Variants in VWA8 observed in about 807,000 individuals in gnomAD.
VWA8 encodes von Willebrand factor A domain containing 8.
A neutral mutation model predicts 241.5 loss-of-function variants in VWA8; 221 were observed. That is an observed-to-expected ratio of 0.91 (90% CI 0.82 to 1.02). The LOEUF (loss-of-function observed/expected upper bound fraction) is 1.02, where lower values mean the gene tolerates loss of function less well. Ranked by LOEUF, VWA8 falls within the 50% of genes least tolerant of loss-of-function variation. The pLI, the probability that VWA8 is intolerant of heterozygous loss-of-function variation, is 0.00. For missense variants in VWA8, 2,322 were observed against 2,328.7 expected, an observed-to-expected ratio of 1.00 and a Z score of 0.06; for synonymous variants, 852 against 827.1, an observed-to-expected ratio of 1.03 and a Z score of -0.52.
chr13:41,626,272 CACAA>C (rs1489650200), intron 37 of VWA8, among the ~76,000 whole-genome samples: 1 of 151,904 alleles, frequency 6.6e-6, no homozygotes, highest in African/African-American at 2.4e-5. Context: ...TCAGAGATGA[CACAA>C]ACAAATGGAA....
chr13:41,907,650 G>A lies in VWA8; in HGVS notation c.419C>T (p.Thr140Ile). The change falls in exon 4 of 45, where the codon ACC becomes ATC. Residue 140 changes from threonine (T) to isoleucine (I), a missense_variant. Coordinates refer to ENST00000379310, the MANE Select transcript of VWA8 (RefSeq NM_015058.2). Reference protein sequence around the residue: ...EVEYIALSRDTTETDLKQRRE... With the variant: ...EVEYIALSRDITETDLKQRRE... ...TCGCTGTTTGAGATCAGTTTCAGTG[G>A]TGTCCCTTGACAGGGCAATGTATTC... 1 of 1,614,128 alleles carries A rather than the reference G, an allele frequency of 6.2e-7. No individual in the cohort carries two copies. The highest frequency in any genetic ancestry group is 2.2e-5 in the East Asian group (1 of 44,872).
intron 21 of VWA8, among the ~76,000 whole-genome samples, chr13:41,757,239 T>C (rs2045700769): frequency 6.6e-6 from 1 of 151,762 alleles, no homozygotes; most frequent in African/African-American, 2.4e-5. Flanking sequence ...ATTATGTTTC[T>C]TATTTCTTCC....
chr13:41,596,823 AC>A, intron 40 of VWA8, among the ~76,000 whole-genome samples: 1 of 151,286 alleles, frequency 6.6e-6, no homozygotes, highest in Non-Finnish European at 1.5e-5. Flanking sequence ...ACACACACAC[AC>A]ACACACACAT....
At chr13:41,800,621 T>C (rs1310451887) in intron 17 of VWA8, among the ~76,000 whole-genome samples, 6 of 93,188 alleles carry the variant, frequency 6.4e-5, no homozygotes, top group Non-Finnish European at 1.2e-4. Context: ...ACACCGTCTC[T>C]ACTAAAAATA....
At chr13:41,778,100 G>A in intron 19 of VWA8, 44 bp from the exon 20 acceptor site, 1 of 1,426,240 alleles carries the variant, frequency 7.0e-7, no homozygotes, top group African/African-American at 1.4e-5. Context: ...GTACAATCAA[G>A]GTTAAATAAG....
chr13:41,903,159 T>C (rs574650521), intron 4 of VWA8, among the ~76,000 whole-genome samples: 7 of 152,316 alleles, frequency 4.6e-5, no homozygotes, highest in Admixed American at 2.6e-4. Context: ...TTCATCTATC[T>C]AGAATTCAAA....
In VWA8 at chr13:41,843,770, C is replaced by T. The variant is rs545042824; in HGVS notation, c.1426-10239G>A. ...TGGATAAATTCCTGGAAACACACAACCTCCCAAGACTGAATTGGGAAGAAA... is the reference window on the plus strand; with the variant it reads ...TGGATAAATTCCTGGAAACACACAATCTCCCAAGACTGAATTGGGAAGAAA... On this transcript the variant is annotated intron_variant, in intron 12 of 44. Transcript: ENST00000379310. Among the ~76,000 whole-genome samples, 4 of 152,122 alleles carry T rather than the reference C, an allele frequency of 2.6e-5. No homozygotes were observed. The East Asian group carries it at 7.7e-4, about 29-fold the overall frequency.
chr13:41,773,360 A>C (rs537991262), intron 20 of VWA8, among the ~76,000 whole-genome samples: 1 of 152,226 alleles, frequency 6.6e-6, no homozygotes, highest in Non-Finnish European at 1.5e-5. Flanking sequence ...GAAAAGCATG[A>C]AATACCATTG....
In VWA8 at chr13:41,865,775, A is replaced by G. The variant is rs755317781; in HGVS notation, c.1386T>C (p.Asp462=). 111 of 1,614,102 alleles carry G rather than the reference A, an allele frequency of 6.9e-5. No homozygotes were observed. Among genetic ancestry groups the G allele is most frequent in the Non-Finnish European group, 8.8e-5 (104 of 1,180,058 alleles). Residue 462 remains aspartate (D), a synonymous_variant, in exon 12 of 45, where the codon GAT becomes GAC. Transcript: ENST00000379310. ...GKTVIAKNFA[D]TLGYNIEPIM... The stretch of plus-strand genomic sequence containing the variant: ...TAGGTTCTATGTTGTATCCTAAGGT[A>G]TCGGCAAAGTTCTTAGCGATCACTG...
intron 37 of VWA8, among the ~76,000 whole-genome samples, chr13:41,637,904 C>T (rs1021773238): frequency 6.6e-6 from 1 of 152,184 alleles, no homozygotes; most frequent in Non-Finnish European, 1.5e-5. Context: ...CAGTATCATG[C>T]ATGGCAGCAG....
At chr13:41,906,080 A>AT (rs1215461991) in intron 4 of VWA8, among the ~76,000 whole-genome samples, 1 of 152,000 alleles carries the variant, frequency 6.6e-6, no homozygotes, top group Non-Finnish European at 1.5e-5. Context: ...ATGATGCTAA[A>AT]TTTTTTTGAA....
chr13:41,934,335 A>AT (rs1877255489), intron 2 of VWA8, among the ~76,000 whole-genome samples: 1 of 152,058 alleles, frequency 6.6e-6, no homozygotes, highest in African/African-American at 2.4e-5. Flanking sequence ...TGGCAAGAAT[A>AT]TGGAGGAACT....
intron 2 of VWA8, among the ~76,000 whole-genome samples, chr13:41,915,614 G>A (rs186744172): frequency 6.6e-6 from 1 of 152,292 alleles, no homozygotes; most frequent in East Asian, 1.9e-4. Context: ...TCACAATTAA[G>A]CCCAGAGAAA....
chr13:41,739,152 A>G (rs2045547531), intron 21 of VWA8, among the ~76,000 whole-genome samples: 1 of 152,198 alleles, frequency 6.6e-6, no homozygotes, highest in Middle Eastern at 3.2e-3. Context: ...TTTCTTGAAG[A>G]CTTCAAATTC....
At chr13:41,656,510 T>C (rs1335421159) in intron 37 of VWA8, among the ~76,000 whole-genome samples, 1 of 152,208 alleles carries the variant, frequency 6.6e-6, no homozygotes, top group Non-Finnish European at 1.5e-5. Context: ...CGAATTTCAT[T>C]CAGAACCCCA....
intron 42 of VWA8, among the ~76,000 whole-genome samples, chr13:41,585,312 C>T (rs1323221589): frequency 6.6e-6 from 1 of 152,206 alleles, no homozygotes; most frequent in Non-Finnish European, 1.5e-5. Flanking sequence ...CGGAATGGCA[C>T]CCTGAACACT....
chr13:41,612,696 G>A (rs2044597637), intron 38 of VWA8, among the ~76,000 whole-genome samples: 1 of 152,124 alleles, frequency 6.6e-6, no homozygotes, highest in Non-Finnish European at 1.5e-5. Flanking sequence ...TGTTTCTTTT[G>A]TTCATTCACG....
intron 18 of VWA8, among the ~76,000 whole-genome samples, chr13:41,786,821 A>T (rs985258471): frequency 1.3e-5 from 2 of 152,100 alleles, no homozygotes; most frequent in Non-Finnish European, 2.9e-5. Context: ...TTACATTTTT[A>T]AAAAATTGAA....
chr13:41,778,115 T>G, intron 19 of VWA8, 59 bp from the exon 20 acceptor site: 1 of 1,266,886 alleles, frequency 7.9e-7, no homozygotes, highest in Non-Finnish European at 1.1e-6. Flanking sequence ...AATAAGAAAG[T>G]TAACTATAAA....
Sources: allele counts gnomAD v4.1 joint callset (sites outside exome capture counted in the v4.1 genomes callset), GRCh38; gene constraint gnomAD v4.1.1; transcripts MANE v1.5; gene names NCBI Gene and HGNC (gene_info 2026-07-23, HGNC 2026-07-21).